The following DOCK9 variants were observed in gnomAD, a reference collection of about 807,000 sequenced individuals.
DOCK9 encodes dedicator of cytokinesis 9.
In DOCK9, 89 loss-of-function variants were observed where a neutral mutation model predicts 263.3. That is an observed-to-expected ratio of 0.34 (90% confidence interval 0.28 to 0.40). The LOEUF is 0.40. Among genes scored for constraint, DOCK9 ranks in the 10% least tolerant of loss-of-function variants. DOCK9 has a pLI of 1.00. For missense variants in DOCK9, 2,140 were observed against 2,603.4 expected, an observed-to-expected ratio of 0.82 and a Z score of 3.87; for synonymous variants, 976 against 973.1, an observed-to-expected ratio of 1.00 and a Z score of -0.06.
At position 98,880,652 on chromosome 13, in the gene DOCK9, T is replaced by C. The variant is rs1314242451; in HGVS notation, c.2766A>G (p.Pro922=). The part of the protein sequence containing the change: ...SYVKYAYKAE[P]YVASEYKTVH... Reference sequence around the variant, plus strand: ...CTGTCTTGTATTCAGAGGCAACATATGGCTCAGCCTTATACGCGTACTTTG... The same window carrying C: ...CTGTCTTGTATTCAGAGGCAACATACGGCTCAGCCTTATACGCGTACTTTG... Residue 922 remains proline (P), a synonymous_variant, in exon 26 of 53, where the codon CCA becomes CCG. Transcript: ENST00000682017. 5 of 1,613,696 alleles carry C rather than the reference T, an allele frequency of 3.1e-6. No homozygotes were observed. Among genetic ancestry groups the C allele is most frequent in the African/African-American group, 1.3e-5 (1 of 74,916 alleles).
intron 20 of DOCK9, chr13:98,885,349 A>G (rs1206413019): frequency 1.8e-6 from 1 of 545,744 alleles, no homozygotes; most frequent in East Asian, 3.8e-5. Flanking sequence ...CACACCTGTA[A>G]TCCCAGCATT....
At chr13:98,807,076 G>C (rs2090808533) in intron 48 of DOCK9, among the ~76,000 whole-genome samples, 1 of 152,194 alleles carries the variant, frequency 6.6e-6, no homozygotes, top group Non-Finnish European at 1.5e-5. Flanking sequence ...AGCAGAGGGA[G>C]ACCTGACCTC....
At chr13:98,973,118 AC>A (rs1340792665) in intron 1 of DOCK9, among the ~76,000 whole-genome samples, 12 of 152,316 alleles carry the variant, frequency 7.9e-5, no homozygotes, top group African/African-American at 2.9e-4. Flanking sequence ...AAACAAGGAA[AC>A]TACTTATTAA....
chr13:98,975,582 G>A (rs192142438), intron 1 of DOCK9, among the ~76,000 whole-genome samples: 2 of 152,038 alleles, frequency 1.3e-5, no homozygotes, highest in East Asian at 3.9e-4. Flanking sequence ...GTCACCACTG[G>A]AGAGTAAAAA....
At chr13:98,871,655 G>T (rs1408821495) in intron 27 of DOCK9, 2 of 152,206 alleles carry the variant, frequency 1.3e-5, no homozygotes, top group Non-Finnish European at 2.9e-5. Context: ...ATAGAGGCTT[G>T]GAGAAGAGGA....
chr13:98,980,304 C>A (rs1876874498), upstream of DOCK9, among the ~76,000 whole-genome samples: 1 of 152,242 alleles, frequency 6.6e-6, no homozygotes, highest in African/African-American at 2.4e-5. Flanking sequence ...CCTGTTCAAG[C>A]CCTACAAAGA....
Position 98,930,102 on chromosome 13 carries a change from A to G in DOCK9, c.333+66T>C, listed in dbSNP as rs1042456712. On this transcript the variant is annotated intron_variant, in intron 3 of 52. Coordinates refer to ENST00000682017, the MANE Select transcript of DOCK9 (RefSeq NM_001366683.2). ...CACTTCCTTGACAATTTTGAAATTT[A>G]AAGAAAAGGAGGCAGTTAGGGGAAA... 2.1e-6 allele frequency: 3 copies of G among 1,401,848 alleles called. No individual in the cohort carries two copies. The African/African-American group carries it at 4.3e-5, about 20-fold the overall frequency. 86.8% of individuals were successfully genotyped at this position (1,401,848 alleles called of 1,614,324 possible).
intron 1 of DOCK9, among the ~76,000 whole-genome samples, chr13:98,967,476 T>C (rs1162313710): frequency 6.6e-6 from 1 of 152,216 alleles, no homozygotes; most frequent in Non-Finnish European, 1.5e-5. Context: ...TTACTGAAGG[T>C]CACACAGATG....
intron 2 of DOCK9, among the ~76,000 whole-genome samples, chr13:98,939,496 A>C (rs2055460474): frequency 6.6e-6 from 1 of 152,120 alleles, no homozygotes; most frequent in Non-Finnish European, 1.5e-5. Context: ...ACTTAGAACT[A>C]TCTCTTCAAA....
At chr13:98,979,236 A>AGCG (rs141086822), upstream of DOCK9, among the ~76,000 whole-genome samples, 1,255 of 144,088 alleles carry the variant, frequency 8.7e-3, 18 homozygotes, top group African/African-American at 0.031. Context: ...TAGTAGCAGC[A>AGCG]GCGGCGGCAG....
At chr13:98,886,239 A>G (rs758420593) in intron 19 of DOCK9, among the ~76,000 whole-genome samples, 1 of 152,242 alleles carries the variant, frequency 6.6e-6, no homozygotes, top group Non-Finnish European at 1.5e-5. Flanking sequence ...AAATGTAACT[A>G]AAGTATGAAT....
chr13:99,085,759 C>T (rs1300214867), intron 1 of DOCK9, among the ~76,000 whole-genome samples: 1 of 151,806 alleles, frequency 6.6e-6, no homozygotes, highest in Admixed American at 6.6e-5. Context: ...GGGGCATCTC[C>T]CACCCTGAGC....
rs1478740551 is a variant in DOCK9, at chr13:98,811,647, T to C, written c.5131-1356A>G. ...GGCTGATCTTGAACTCCTGCCCTCA[T>C]GTGATTAGCCTCAGCCTCCAAAAGT... On this transcript the variant is annotated intron_variant, in intron 45 of 52. Transcript: ENST00000682017. Among the ~76,000 whole-genome samples, 8 of 152,296 alleles carry C rather than the reference T, an allele frequency of 5.3e-5. No individual in the cohort carries two copies. In the East Asian group the frequency reaches 1.5e-3, roughly 29 times the overall value.
Position 98,867,785 on chromosome 13 carries a change from G to C in DOCK9, c.3174+143C>G, listed in dbSNP as rs75386799. On this transcript the variant is annotated intron_variant, in intron 29 of 52. Coordinates refer to ENST00000682017, the MANE Select transcript of DOCK9 (RefSeq NM_001366683.2). The stretch of plus-strand genomic sequence containing the variant: ...CCTCCTACTTCAATGAAGGACTTCA[G>C]GTAGCTTATAATTACAGACACAGGC... 6,526 of 788,528 alleles carry C rather than the reference G, an allele frequency of 8.3e-3. 311 individuals carry two copies. In the African/African-American group the frequency reaches 0.1, roughly 12 times the overall value. The allele number at this position is 788,528 out of a possible 1,614,324, so 48.8% of individuals were successfully genotyped here.
intron 44 of DOCK9, among the ~76,000 whole-genome samples, chr13:98,824,718 A>C (rs1046561315): frequency 2.0e-5 from 3 of 152,116 alleles, no homozygotes; most frequent in African/African-American, 7.2e-5. Flanking sequence ...TCTTTTCCTT[A>C]TCCCTTTTTA....
chr13:99,082,919 T>C (rs2042185619), intron 1 of DOCK9, among the ~76,000 whole-genome samples: 1 of 152,270 alleles, frequency 6.6e-6, no homozygotes, highest in South Asian at 2.1e-4. Context: ...CCTCTAAGAT[T>C]AAAACCCAGA....
At chr13:99,051,140 T>C (rs1301327737) in intron 1 of DOCK9, among the ~76,000 whole-genome samples, 2 of 152,166 alleles carry the variant, frequency 1.3e-5, no homozygotes, top group African/African-American at 4.8e-5. Flanking sequence ...CACTGTCACC[T>C]GAAGCAATGG....
intron 29 of DOCK9, among the ~76,000 whole-genome samples, 162 bp from the exon 30 acceptor site, chr13:98,867,698 G>T (rs2094071147): frequency 6.6e-6 from 1 of 151,958 alleles, no homozygotes; most frequent in East Asian, 1.9e-4. Flanking sequence ...TGGCTGCAGG[G>T]ATTGATTTGA....
chr13:99,050,464 G>A (rs2040636524), intron 1 of DOCK9, among the ~76,000 whole-genome samples: 1 of 152,200 alleles, frequency 6.6e-6, no homozygotes, highest in Admixed American at 6.5e-5. Flanking sequence ...GGAGGCTGAG[G>A]TGGGTGGATC....
Sources: gnomAD v4.1 joint callset for allele counts (sites outside exome capture counted in the v4.1 genomes callset) on GRCh38, gnomAD v4.1.1 for gene constraint, MANE v1.5 for transcripts, NCBI Gene and HGNC (gene_info 2026-07-23, HGNC 2026-07-21) for gene names.